ATXN7L1: variants seen among roughly 807,000 people sequenced by gnomAD.
ATXN7L1 encodes the protein ataxin 7 like 1.
A neutral mutation model predicts 70.8 loss-of-function variants in ATXN7L1; 15 were observed. The ratio of observed to expected loss-of-function variants is 0.21; its 90% CI spans 0.14 to 0.33. The LOEUF (loss-of-function observed/expected upper bound fraction) is 0.33. Ranked by LOEUF, ATXN7L1 falls within the 10% of genes least tolerant of loss-of-function variation. The probability of loss-of-function intolerance (pLI) is 1.00; values close to 1 mark genes in which losing one functional copy is unlikely to be tolerated. For missense variants in ATXN7L1, 975 were observed against 1,097.1 expected, an observed-to-expected ratio of 0.89 and a Z score of 1.57; for synonymous variants, 440 against 445.1, an observed-to-expected ratio of 0.99 and a Z score of 0.14.
chr7:105,623,785 C>A (rs1446651079), intron 8 of ATXN7L1, among the ~76,000 whole-genome samples: 1 of 152,230 alleles, frequency 6.6e-6, no homozygotes, highest in Non-Finnish European at 1.5e-5. Context: ...CTCACGCGTG[C>A]TCGCTTCAAA....
chr7:105,765,730 A>C (rs938431333), intron 3 of ATXN7L1, among the ~76,000 whole-genome samples: 1 of 152,208 alleles, frequency 6.6e-6, no homozygotes, highest in African/African-American at 2.4e-5. Context: ...TCAATACCAT[A>C]GATAATGAAG....
intron 2 of ATXN7L1, among the ~76,000 whole-genome samples, chr7:105,869,740 G>T (rs1201375002): frequency 6.6e-6 from 1 of 151,908 alleles, no homozygotes; most frequent in Non-Finnish European, 1.5e-5. Flanking sequence ...TAAAACACAG[G>T]CAAGTTTTCA....
intron 2 of ATXN7L1, among the ~76,000 whole-genome samples, chr7:105,797,280 C>G (rs1004693380): frequency 6.6e-6 from 1 of 152,228 alleles, no homozygotes; most frequent in Non-Finnish European, 1.5e-5. Context: ...CTGAGAAACA[C>G]AAGGGGCAGG....
chr7:105,866,614 A>C (rs539182096), intron 2 of ATXN7L1, among the ~76,000 whole-genome samples: 1 of 152,340 alleles, frequency 6.6e-6, no homozygotes, highest in East Asian at 1.9e-4. Flanking sequence ...TCCATTTGGC[A>C]GTCTGAGCTC....
intron 3 of ATXN7L1, among the ~76,000 whole-genome samples, chr7:105,750,374 C>T (rs755925377): frequency 2.0e-5 from 3 of 151,612 alleles, no homozygotes; most frequent in African/African-American, 7.3e-5. Context: ...CCTCCCGGCT[C>T]AAGTGATCCT....
chr7:105,754,393 C>CT (rs1297795994), intron 3 of ATXN7L1, among the ~76,000 whole-genome samples: 5 of 151,430 alleles, frequency 3.3e-5, no homozygotes, highest in Non-Finnish European at 4.4e-5. Context: ...CTTTTCTTTT[C>CT]TTTCTTTCTT....
intron 2 of ATXN7L1, among the ~76,000 whole-genome samples, chr7:105,858,418 C>G (rs529488564): frequency 1.3e-4 from 20 of 152,208 alleles, no homozygotes; most frequent in African/African-American, 4.8e-4. Flanking sequence ...ATCAGAATGA[C>G]AGAATTTGAA....
At chr7:105,783,499 C>T (rs1803836759) in intron 3 of ATXN7L1, among the ~76,000 whole-genome samples, 1 of 152,072 alleles carries the variant, frequency 6.6e-6, no homozygotes. Flanking sequence ...ACCAGAAAGA[C>T]CAATTGGAGA....
At chr7:105,664,937 A>G in intron 4 of ATXN7L1, 129 bp downstream of exon 4, 17 of 961,066 alleles carry the variant, frequency 1.8e-5, no homozygotes, top group Non-Finnish European at 2.6e-5. Context: ...CTGTCCTTTC[A>G]TTCCTCAGTC....
chr7:105,868,802 A>G (rs1003346908), intron 2 of ATXN7L1, among the ~76,000 whole-genome samples: 2 of 152,210 alleles, frequency 1.3e-5, no homozygotes, highest in African/African-American at 4.8e-5. Flanking sequence ...TACATCTTCT[A>G]GCAGTAAAAA....
intron 3 of ATXN7L1, among the ~76,000 whole-genome samples, chr7:105,740,175 G>A (rs1171349872): frequency 2.6e-5 from 4 of 152,146 alleles, no homozygotes; most frequent in Non-Finnish European, 5.9e-5. Flanking sequence ...AACAAAGTCA[G>A]GGCCAGAAAG....
chr7:105,765,160 C>T (rs1417103071), intron 3 of ATXN7L1, among the ~76,000 whole-genome samples: 8 of 151,966 alleles, frequency 5.3e-5, no homozygotes, highest in Admixed American at 2.0e-4. Flanking sequence ...ATGGTGAAAC[C>T]CCGTCTCTAC....
At chr7:105,797,364 T>C (rs890244164) in intron 2 of ATXN7L1, among the ~76,000 whole-genome samples, 3 of 152,036 alleles carry the variant, frequency 2.0e-5, no homozygotes, top group African/African-American at 7.2e-5. Context: ...CAACAAAACA[T>C]GACCACACAA....
chr7:105,724,711 A>T (rs1449780842), intron 3 of ATXN7L1, among the ~76,000 whole-genome samples: 1 of 151,200 alleles, frequency 6.6e-6, no homozygotes, highest in Non-Finnish European at 1.5e-5. Context: ...GTCACCAGTG[A>T]TCTTCACTGT....
At chr7:105,745,459 T>C (rs1399932957) in intron 3 of ATXN7L1, among the ~76,000 whole-genome samples, 1 of 152,224 alleles carries the variant, frequency 6.6e-6, no homozygotes, top group Non-Finnish European at 1.5e-5. Flanking sequence ...TCGTACCACT[T>C]GACTTACAGG....
At chr7:105,740,144 G>A (rs1797839128) in intron 3 of ATXN7L1, among the ~76,000 whole-genome samples, 1 of 152,174 alleles carries the variant, frequency 6.6e-6, no homozygotes, top group South Asian at 2.1e-4. Context: ...AAAACCTGGT[G>A]CAGACAATCT....
intron 3 of ATXN7L1, among the ~76,000 whole-genome samples, chr7:105,782,803 C>T (rs931678362): frequency 2.0e-5 from 3 of 152,298 alleles, no homozygotes; most frequent in Admixed American, 6.5e-5. Context: ...ATATTCAGGC[C>T]AGCATTTCTT....
At chr7:105,842,867 T>C (rs758749456) in intron 2 of ATXN7L1, among the ~76,000 whole-genome samples, 39 of 152,312 alleles carry the variant, frequency 2.6e-4, no homozygotes, top group Non-Finnish European at 5.1e-4. Context: ...TAATTTTCCT[T>C]TCTATTTTAA....
chr7:105,759,449 AGTGTGTGT>A (rs34887279), intron 3 of ATXN7L1, among the ~76,000 whole-genome samples: 2 of 60,458 alleles, frequency 3.3e-5, no homozygotes, highest in African/African-American at 1.6e-4. Flanking sequence ...TTGGATAGTG[AGTGTGTGT>A]GTGTGTGTGT....
Sources: allele counts gnomAD v4.1 joint callset (sites outside exome capture counted in the v4.1 genomes callset), GRCh38; gene constraint gnomAD v4.1.1; transcripts MANE v1.5; gene names NCBI Gene and HGNC (gene_info 2026-07-23, HGNC 2026-07-21).